The following LRRC37A2 variants were observed in gnomAD, a reference collection of about 807,000 sequenced individuals.
LRRC37A2 encodes leucine rich repeat containing 37 member A2.
In LRRC37A2, 9 loss-of-function variants were observed where a neutral mutation model predicts 68.8. The observed-to-expected ratio is 0.13, with a 90% confidence interval of 0.08 to 0.23. The LOEUF (loss-of-function observed/expected upper bound fraction) is 0.23. Ranked by LOEUF, LRRC37A2 falls within the 10% of genes least tolerant of loss-of-function variation. The pLI is 1.00. For missense variants in LRRC37A2, 168 were observed against 950.4 expected, an observed-to-expected ratio of 0.18 and a Z score of 10.82; for synonymous variants, 63 against 367.6, an observed-to-expected ratio of 0.17 and a Z score of 9.48.
the LRRC37A2 span, among the ~76,000 whole-genome samples, chr17:46,845,592 C>T: frequency 1.4e-5 from 2 of 147,864 alleles, no homozygotes; most frequent in Non-Finnish European, 3.0e-5. Flanking sequence ...TGGGTTCAAA[C>T]GATTTTCCTG....
chr17:46,768,533 C>T, the LRRC37A2 span: 1 of 1,614,190 alleles, frequency 6.2e-7, no homozygotes, highest in Non-Finnish European at 8.5e-7. This position sits in a 1 kb window ranked among gnomAD's most constrained non-coding sequence, Gnocchi z 5.0. Context: ...CTGGGTTGGG[C>T]TCACAAAAGT....
chr17:46,882,670 G>C, the LRRC37A2 span, among the ~76,000 whole-genome samples: 1 of 152,094 alleles, frequency 6.6e-6, no homozygotes, highest in African/African-American at 2.4e-5. Flanking sequence ...ATTTCTTTCC[G>C]ATTCTTGACT....
the LRRC37A2 span, among the ~76,000 whole-genome samples, chr17:46,946,461 CA>C: frequency 0.22 from 21,471 of 98,830 alleles, 1,500 homozygotes; most frequent in African/African-American, 0.32. Context: ...AACTCCGTCT[CA>C]AAAAAAAAAA....
the LRRC37A2 span, among the ~76,000 whole-genome samples, chr17:47,009,762 T>A: frequency 6.6e-6 from 1 of 152,188 alleles, no homozygotes; most frequent in Non-Finnish European, 1.5e-5. Flanking sequence ...GGATGAGAAG[T>A]CTGGAGGGCA....
the LRRC37A2 span, among the ~76,000 whole-genome samples, chr17:46,826,418 C>T: frequency 2.0e-5 from 3 of 152,244 alleles, no homozygotes; most frequent in Non-Finnish European, 2.9e-5. Context: ...GGGACATCTG[C>T]CTGGCATTTC....
At chr17:46,896,430 G>T in the LRRC37A2 span, among the ~76,000 whole-genome samples, 10 of 103,450 alleles carry the variant, frequency 9.7e-5, no homozygotes, top group African/African-American at 7.1e-4. Flanking sequence ...AAGAAAGAAA[G>T]AAAGAAAGAA....
At chr17:46,793,272 TAAAAAAAAA>T in the LRRC37A2 span, among the ~76,000 whole-genome samples, 18 of 41,952 alleles carry the variant, frequency 4.3e-4, no homozygotes, top group Non-Finnish European at 6.7e-4. Flanking sequence ...AGACCCTGTC[TAAAAAAAAA>T]AAAAAAAAAA....
the LRRC37A2 span, among the ~76,000 whole-genome samples, chr17:46,891,704 T>C: frequency 6.6e-6 from 1 of 152,126 alleles, no homozygotes; most frequent in Non-Finnish European, 1.5e-5. Context: ...CAGCCAGAAA[T>C]GTCCTTGCAT....
chr17:46,737,170 C>T, the LRRC37A2 span, among the ~76,000 whole-genome samples: 1 of 151,994 alleles, frequency 6.6e-6, no homozygotes, highest in African/African-American at 2.4e-5. Context: ...GCTCATAGTC[C>T]AAGAACACTG....
chr17:46,866,491 T>C, the LRRC37A2 span, among the ~76,000 whole-genome samples: 1 of 151,856 alleles, frequency 6.6e-6, no homozygotes, highest in East Asian at 1.9e-4. Flanking sequence ...TTTGTGTGTG[T>C]AGGGGGATCA....
chr17:46,418,205 G>A, the LRRC37A2 span, among the ~76,000 whole-genome samples: 2 of 52,524 alleles, frequency 3.8e-5, no homozygotes, highest in Non-Finnish European at 1.1e-4. Flanking sequence ...GTGTGTGTGT[G>A]TGTGTGTGTT....
chr17:46,728,535 A>G, the LRRC37A2 span, among the ~76,000 whole-genome samples: 1 of 152,190 alleles, frequency 6.6e-6, no homozygotes, highest in East Asian at 1.9e-4. Flanking sequence ...AGGCTTAGGC[A>G]GGAGGGTTGC....
the LRRC37A2 span, among the ~76,000 whole-genome samples, chr17:47,043,478 G>A: frequency 6.9e-6 from 1 of 144,810 alleles, no homozygotes; most frequent in African/African-American, 2.5e-5. Flanking sequence ...CAGCCCGGGC[G>A]ACAGAGTGAG....
the LRRC37A2 span, among the ~76,000 whole-genome samples, chr17:47,036,147 A>G: frequency 6.6e-6 from 1 of 152,096 alleles, no homozygotes; most frequent in African/African-American, 2.4e-5. Context: ...TTGATGCACA[A>G]AAGTTTTTAA....
the LRRC37A2 span, among the ~76,000 whole-genome samples, chr17:47,036,343 C>T: frequency 6.6e-6 from 1 of 151,922 alleles, no homozygotes; most frequent in Non-Finnish European, 1.5e-5. Flanking sequence ...AGTAATACTT[C>T]ATTAAATTCA....
At chr17:46,978,526 G>T in the LRRC37A2 span, 1 of 1,265,746 alleles carries the variant, frequency 7.9e-7, no homozygotes, top group Non-Finnish European at 1.1e-6. Flanking sequence ...CCGCCCGGGC[G>T]CCCCAGGCAC....
At chr17:46,661,378 TTTA>T in the LRRC37A2 span, among the ~76,000 whole-genome samples, 8,631 of 106,498 alleles carry the variant, frequency 0.081, 9 homozygotes, top group Middle Eastern at 0.13. Context: ...TACATTTCTT[TTTA>T]TTATTATTAT....
the LRRC37A2 span, among the ~76,000 whole-genome samples, chr17:47,040,517 T>A: frequency 6.8e-6 from 1 of 147,312 alleles, no homozygotes; most frequent in Non-Finnish European, 1.5e-5. Context: ...ATTTATTTAG[T>A]GACTTTTCTG....
At chr17:47,027,951 T>A in the LRRC37A2 span, among the ~76,000 whole-genome samples, 7 of 152,194 alleles carry the variant, frequency 4.6e-5, no homozygotes, top group Non-Finnish European at 7.3e-5. Context: ...CTGCTAAACA[T>A]CCTTCAAGGT....
Sources: allele counts gnomAD v4.1 joint callset (sites outside exome capture counted in the v4.1 genomes callset), GRCh38; gene constraint gnomAD v4.1.1; non-coding constraint Gnocchi (gnomAD v3.1); transcripts MANE v1.5; gene names NCBI Gene and HGNC (gene_info 2026-07-23, HGNC 2026-07-21).